SRGAP3: variants seen among roughly 807,000 people sequenced by gnomAD.
SRGAP3 encodes SLIT-ROBO Rho GTPase-activating protein 3.
SRGAP3 carries 39 observed loss-of-function variants against 121.1 expected under a neutral mutation model. That is an observed-to-expected ratio of 0.32 (90% CI 0.25 to 0.42). SRGAP3 has a LOEUF of 0.42. Among genes scored for constraint, SRGAP3 ranks in the 10% least tolerant of loss-of-function variants. The probability of loss-of-function intolerance (pLI) is 1.00; values close to 1 mark genes in which losing one functional copy is unlikely to be tolerated. For missense variants in SRGAP3, 1,213 were observed against 1,470.6 expected (o/e 0.82, Z 2.86); for synonymous variants, 601 against 570.0 (o/e 1.05, Z -0.77).
At chr3:8,996,028 G>A (rs1157694517) in intron 18 of SRGAP3, among the ~76,000 whole-genome samples, 1 of 152,174 alleles carries the variant, frequency 6.6e-6, no homozygotes, top group Non-Finnish European at 1.5e-5. Flanking sequence ...ACACAGTTAA[G>A]CTCAGAACAT....
intron 1 of SRGAP3, among the ~76,000 whole-genome samples, chr3:9,175,345 C>T (rs74408254): frequency 0.023 from 3,509 of 152,274 alleles, 159 homozygotes; most frequent in African/African-American, 0.08. Flanking sequence ...GGGTGTCCTA[C>T]GAAAAGAGAG....
At chr3:9,190,562 T>C (rs985186402) in intron 1 of SRGAP3, among the ~76,000 whole-genome samples, 5 of 152,186 alleles carry the variant, frequency 3.3e-5, no homozygotes, top group African/African-American at 1.2e-4. Context: ...CGCCCATCGA[T>C]GTATTTATAG....
At chr3:9,257,344 A>G (rs2668365) in intron 3 of SRGAP3, 46,224 of 98,192 alleles carry the variant, frequency 0.47, 7,333 homozygotes, top group South Asian at 0.56. Flanking sequence ...ACCAAAGCGA[A>G]CTCTCTCTCT....
At chr3:9,157,717 G>A (rs551526233) in intron 1 of SRGAP3, among the ~76,000 whole-genome samples, 9 of 152,136 alleles carry the variant, frequency 5.9e-5, no homozygotes, top group Non-Finnish European at 8.8e-5. Flanking sequence ...GGGATACCAG[G>A]AATTAAAGAG....
intron 4 of SRGAP3, among the ~76,000 whole-genome samples, chr3:9,072,958 T>C (rs1946790073): frequency 6.6e-6 from 1 of 152,234 alleles, no homozygotes; most frequent in Non-Finnish European, 1.5e-5. Flanking sequence ...AAAACAGTCG[T>C]GCCCACACAT....
intron 1 of SRGAP3, among the ~76,000 whole-genome samples, chr3:9,195,042 C>A (rs1951876060): frequency 6.6e-6 from 1 of 152,226 alleles, no homozygotes; most frequent in South Asian, 2.1e-4. Context: ...TGAGTATTTG[C>A]CACTTTCCCT....
At chr3:9,160,760 GA>G (rs1950577200) in intron 1 of SRGAP3, among the ~76,000 whole-genome samples, 1 of 152,136 alleles carries the variant, frequency 6.6e-6, no homozygotes, top group African/African-American at 2.4e-5. Context: ...TAGAGACTTG[GA>G]ACAGTTTCTG....
At chr3:9,031,954 A>G (rs1944505806) in intron 12 of SRGAP3, among the ~76,000 whole-genome samples, 1 of 152,176 alleles carries the variant, frequency 6.6e-6, no homozygotes, top group East Asian at 1.9e-4. Context: ...CCCTTGAGCC[A>G]TTATATCTGA....
intron 1 of SRGAP3, among the ~76,000 whole-genome samples, chr3:9,188,847 A>G (rs1203767837): frequency 1.3e-5 from 2 of 152,186 alleles, no homozygotes; most frequent in Admixed American, 6.5e-5. Flanking sequence ...CCTAAGAACT[A>G]CTGCTCCCTG....
chr3:9,044,952 T>A (rs909006339), intron 10 of SRGAP3, among the ~76,000 whole-genome samples: 1 of 152,202 alleles, frequency 6.6e-6, no homozygotes, highest in Admixed American at 6.5e-5. Context: ...GTAGTGGCTA[T>A]ATAAAAATGA....
chr3:9,179,591 A>G (rs1472270592), intron 1 of SRGAP3, among the ~76,000 whole-genome samples: 1 of 152,236 alleles, frequency 6.6e-6, no homozygotes, highest in East Asian at 1.9e-4. Context: ...CAAGAAGTCA[A>G]CTATTTAGTT....
intron 3 of SRGAP3, among the ~76,000 whole-genome samples, chr3:9,279,006 G>T (rs1338882993): frequency 6.6e-6 from 1 of 152,072 alleles, no homozygotes; most frequent in Non-Finnish European, 1.5e-5. Context: ...GGGCGTGGTG[G>T]TGCACATCTG....
At chr3:9,161,620 C>T (rs970957490) in intron 1 of SRGAP3, among the ~76,000 whole-genome samples, 13 of 152,310 alleles carry the variant, frequency 8.5e-5, no homozygotes, top group African/African-American at 2.4e-4. Context: ...GGAGGTTTCT[C>T]GGAAACCAGG....
intron 3 of SRGAP3, among the ~76,000 whole-genome samples, chr3:9,084,606 G>A (rs900287809): frequency 6.6e-6 from 1 of 152,100 alleles, no homozygotes; most frequent in Non-Finnish European, 1.5e-5. Context: ...ACTTTCAGCT[G>A]GGGTTTTCTG....
At chr3:9,003,375 A>G (rs1942872523) in intron 18 of SRGAP3, among the ~76,000 whole-genome samples, 1 of 152,160 alleles carries the variant, frequency 6.6e-6, no homozygotes, top group Non-Finnish European at 1.5e-5. Context: ...GTTACTCTGG[A>G]GGCTGAGGCA....
intron 3 of SRGAP3, among the ~76,000 whole-genome samples, chr3:9,320,654 TAC>T (rs1955424821): frequency 1.3e-5 from 2 of 152,040 alleles, no homozygotes; most frequent in Admixed American, 1.3e-4. Context: ...ATTTACAAAT[TAC>T]ACAGTCTTAG....
rs199699488 is a variant in SRGAP3, at chr3:9,060,216, C to T, written c.801+15G>A. 9 of 1,613,698 alleles carry T rather than the reference C, an allele frequency of 5.6e-6. No individual in the cohort carries two copies. Among genetic ancestry groups the T allele is most frequent in the Admixed American group, 1.7e-5 (1 of 59,994 alleles). ...TGTGGGCCCTGCTCAGTCCCAGACT[C>T]CCCAGGGAGCTCACATCGATCAGAT... On this transcript the variant is annotated intron_variant, in intron 6 of 21. Transcript: ENST00000383836.
rs185615616 is a variant in SRGAP3 at position 9,197,123 on chromosome 3, G to A, written c.67+51762C>T. On this transcript the variant is annotated intron_variant, in intron 1 of 21. Coordinates refer to ENST00000383836, the MANE Select transcript of SRGAP3 (RefSeq NM_014850.4). ...GGTTTTCAGGGTAGAAAAGGGATTC[G>A]TATAGATGACAGGGTGTACTGGCCT... Among the ~76,000 whole-genome samples, 227 of 152,288 alleles carry A rather than the reference G, an allele frequency of 1.5e-3. 1 individual carries two copies. The highest frequency in any genetic ancestry group is 5.2e-3 in the African/African-American group (216 of 41,558).
At chr3:9,094,734 A>G (rs1468089863) in intron 3 of SRGAP3, among the ~76,000 whole-genome samples, 1 of 152,094 alleles carries the variant, frequency 6.6e-6, no homozygotes, top group African/African-American at 2.4e-5. Context: ...CTTTTCTTAT[A>G]TCACTGACCA....
Sources: gnomAD v4.1 joint callset for allele counts (sites outside exome capture counted in the v4.1 genomes callset) on GRCh38, gnomAD v4.1.1 for gene constraint, MANE v1.5 for transcripts, NCBI Gene and HGNC (gene_info 2026-07-23, HGNC 2026-07-21) for gene names.